The following LRRC53 variants were observed in gnomAD, a reference collection of about 807,000 sequenced individuals.
LRRC53 encodes leucine rich repeat containing 53, also known as leucine-rich repeat-containing protein 53.
A neutral mutation model predicts 13.6 loss-of-function variants in LRRC53; 25 were observed. The ratio of observed to expected loss-of-function variants is 1.83; its 90% confidence interval spans 1.34 to 2.56. LRRC53 has a LOEUF of 2.56. Among genes scored for constraint, LRRC53 ranks in the 30% most tolerant of loss-of-function variants. LRRC53 has a pLI of 0.00. For missense variants in LRRC53, 527 were observed against 275.8 expected, an observed-to-expected ratio of 1.91 and a Z score of -6.45; for synonymous variants, 204 against 109.8, an observed-to-expected ratio of 1.86 and a Z score of -5.37.
chr1:74,516,084 G>T (rs925797364), upstream of LRRC53, among the ~76,000 whole-genome samples: 4 of 152,330 alleles, frequency 2.6e-5, 1 homozygote, highest in Admixed American at 6.5e-5. Context: ...GGATCTTTGA[G>T]TTGGAACTAG....
intron 1 of LRRC53, among the ~76,000 whole-genome samples, chr1:74,492,833 A>G (rs1461882458): frequency 6.6e-6 from 1 of 152,248 alleles, no homozygotes; most frequent in Non-Finnish European, 1.5e-5. Flanking sequence ...TATACTGGGT[A>G]CATAAAACAG....
the LRRC53 span, among the ~76,000 whole-genome samples, chr1:74,524,511 T>C: frequency 1.3e-5 from 2 of 152,084 alleles, no homozygotes; most frequent in Non-Finnish European, 2.9e-5. Flanking sequence ...CACAGGAAAA[T>C]GCATTAGGAA....
At chr1:74,513,545 C>G, upstream of LRRC53, among the ~76,000 whole-genome samples, 1 of 152,140 alleles carries the variant, frequency 6.6e-6, no homozygotes, top group East Asian at 1.9e-4. Flanking sequence ...CTTTGTCTTC[C>G]TTTTTTTCTC....
upstream of LRRC53, among the ~76,000 whole-genome samples, chr1:74,514,848 T>C (rs1646326277): frequency 6.6e-6 from 1 of 152,182 alleles, no homozygotes; most frequent in African/African-American, 2.4e-5. Flanking sequence ...AATGTGACCC[T>C]ATTTGGAAAC....
the LRRC53 span, among the ~76,000 whole-genome samples, chr1:74,524,703 C>T: frequency 1.2e-3 from 180 of 151,532 alleles, no homozygotes; most frequent in African/African-American, 4.1e-3. Context: ...TCTCTTCCCT[C>T]GTGGAGGTTT....
intron 3 of LRRC53, among the ~76,000 whole-genome samples, chr1:74,478,783 A>T: frequency 6.6e-6 from 1 of 152,220 alleles, no homozygotes; most frequent in Non-Finnish European, 1.5e-5. Context: ...GATATCTATT[A>T]ATTATCCACC....
At chr1:74,500,836 A>G (rs1337658822) in intron 1 of LRRC53, among the ~76,000 whole-genome samples, 1 of 151,852 alleles carries the variant, frequency 6.6e-6, no homozygotes, top group Non-Finnish European at 1.5e-5. Context: ...AATTTCATCT[A>G]TGAATCTAAT....
the LRRC53 span, among the ~76,000 whole-genome samples, chr1:74,536,949 A>C: frequency 6.6e-6 from 1 of 152,298 alleles, no homozygotes; most frequent in Middle Eastern, 3.4e-3. Context: ...GTCTGGATGC[A>C]CATGGGTGGA....
At chr1:74,505,549 G>A (rs542866647) in intron 1 of LRRC53, among the ~76,000 whole-genome samples, 156 of 151,742 alleles carry the variant, frequency 1.0e-3, no homozygotes, top group Non-Finnish European at 1.4e-3. Flanking sequence ...ATTCCTCATG[G>A]ATTGTTTTTT....
chr1:74,535,027 T>C, the LRRC53 span, among the ~76,000 whole-genome samples: 1 of 119,102 alleles, frequency 8.4e-6, no homozygotes, highest in Non-Finnish European at 1.7e-5. Flanking sequence ...TGCTGTGGCA[T>C]GTATGTAAAA....
intron 1 of LRRC53, among the ~76,000 whole-genome samples, chr1:74,483,837 C>G (rs1668619002): frequency 6.6e-6 from 1 of 152,094 alleles, no homozygotes; most frequent in Non-Finnish European, 1.5e-5. Flanking sequence ...TAATCTCAGA[C>G]ACTGAGTCTT....
At chr1:74,503,014 C>T (rs1669713940) in intron 1 of LRRC53, among the ~76,000 whole-genome samples, 1 of 152,196 alleles carries the variant, frequency 6.6e-6, no homozygotes, top group Admixed American at 6.5e-5. Context: ...AGCTCTACTT[C>T]AGCATGATTT....
the LRRC53 span, among the ~76,000 whole-genome samples, chr1:74,533,174 AG>A: frequency 3.3e-5 from 5 of 152,232 alleles, no homozygotes; most frequent in Non-Finnish European, 7.3e-5. Context: ...CATCTGACAA[AG>A]GGCTAATATC....
chr1:74,485,507 T>C (rs1196867121), intron 1 of LRRC53, among the ~76,000 whole-genome samples: 1 of 152,182 alleles, frequency 6.6e-6, no homozygotes, highest in Non-Finnish European at 1.5e-5. Flanking sequence ...GATTCTAACA[T>C]GACCTGCAAG....
chr1:74,476,742 C>G (rs1003403301), intron 3 of LRRC53, among the ~76,000 whole-genome samples: 1 of 152,082 alleles, frequency 6.6e-6, no homozygotes, highest in Non-Finnish European at 1.5e-5. Flanking sequence ...GGACAGTGCC[C>G]TTTTCTGGAA....
chr1:74,474,918 G>T (rs1310324342), intron 4 of LRRC53, among the ~76,000 whole-genome samples: 1 of 152,026 alleles, frequency 6.6e-6, no homozygotes, highest in African/African-American at 2.4e-5. Flanking sequence ...TGCAGAATTG[G>T]CATTAGAGCT....
chr1:74,494,458 A>AT (rs374448830), intron 1 of LRRC53, among the ~76,000 whole-genome samples: 5 of 152,152 alleles, frequency 3.3e-5, no homozygotes, highest in African/African-American at 9.6e-5. Flanking sequence ...ACTGGACACC[A>AT]TTTTTTATTG....
chr1:74,473,895 A>G (rs2100743877), intron 4 of LRRC53, among the ~76,000 whole-genome samples: 1 of 152,240 alleles, frequency 6.6e-6, no homozygotes. Context: ...TCCTCTCTAC[A>G]CTGGAAAGTC....
chr1:74,475,145 CA>C, intron 4 of LRRC53, 149 bp downstream of exon 4: 1 of 541,532 alleles, frequency 1.8e-6, no homozygotes, highest in Non-Finnish European at 3.2e-6. Context: ...CACACACACA[CA>C]CACACACACA....
Sources: gnomAD v4.1 joint callset for allele counts (sites outside exome capture counted in the v4.1 genomes callset) on GRCh38, gnomAD v4.1.1 for gene constraint, MANE v1.5 for transcripts, NCBI Gene and HGNC (gene_info 2026-07-23, HGNC 2026-07-21) for gene names.